The following VOPP1 variants were observed in gnomAD, a reference collection of about 807,000 sequenced individuals.
VOPP1 encodes VOPP1 WW domain binding protein.
Under a neutral mutation model 23.5 loss-of-function variants are expected in VOPP1, and 8 were observed. That is an observed-to-expected ratio of 0.34 (90% CI 0.20 to 0.61). The LOEUF is 0.61. VOPP1 is among the 20% of genes least tolerant of loss of function. The probability of loss-of-function intolerance (pLI) is 0.78; values close to 1 mark genes in which losing one functional copy is unlikely to be tolerated. For missense variants in VOPP1, 174 were observed against 238.1 expected (o/e 0.73, Z 1.77); for synonymous variants, 83 against 97.3 (o/e 0.85, Z 0.86).
At chr7:55,494,844 T>A (rs1793837144) in intron 3 of VOPP1, among the ~76,000 whole-genome samples, 1 of 152,062 alleles carries the variant, frequency 6.6e-6, no homozygotes, top group Admixed American at 6.6e-5. Flanking sequence ...AGCAGGGTGT[T>A]GGCTGGGAGA....
chr7:55,485,835 C>T (rs1482208743), intron 4 of VOPP1, among the ~76,000 whole-genome samples: 3 of 152,254 alleles, frequency 2.0e-5, no homozygotes, highest in South Asian at 2.1e-4. Context: ...TTTCCCTCAT[C>T]CGCCCCTCGG....
intron 1 of VOPP1, among the ~76,000 whole-genome samples, chr7:55,545,877 C>T (rs1402129091): frequency 6.6e-6 from 1 of 151,560 alleles, no homozygotes; most frequent in Non-Finnish European, 1.5e-5. Context: ...GAGACCAGCC[C>T]GGGCCACACA....
chr7:55,442,164 C>T (rs1790980588), intron 4 of VOPP1, among the ~76,000 whole-genome samples: 1 of 152,162 alleles, frequency 6.6e-6, no homozygotes, highest in Non-Finnish European at 1.5e-5. Flanking sequence ...CAGTTTATGA[C>T]ATGTGAGGCG....
chr7:55,440,748 C>T (rs1474596139), intron 4 of VOPP1, among the ~76,000 whole-genome samples: 1 of 152,222 alleles, frequency 6.6e-6, no homozygotes, highest in Admixed American at 6.5e-5. Flanking sequence ...CCTGCTGCCC[C>T]CATAGCCTGC....
At chr7:55,476,892 C>G (rs1265798853) in intron 4 of VOPP1, among the ~76,000 whole-genome samples, 1 of 152,198 alleles carries the variant, frequency 6.6e-6, no homozygotes, top group Non-Finnish European at 1.5e-5. Context: ...TGGGCTCCTG[C>G]CCACTTCAGA....
intron 1 of VOPP1, among the ~76,000 whole-genome samples, chr7:55,524,623 C>T (rs935118471): frequency 6.6e-6 from 1 of 152,138 alleles, no homozygotes; most frequent in Non-Finnish European, 1.5e-5. Context: ...CTGAAAAACG[C>T]CAAAATGAGG....
chr7:55,441,864 C>T (rs912434562), intron 4 of VOPP1, among the ~76,000 whole-genome samples: 1 of 152,178 alleles, frequency 6.6e-6, no homozygotes, highest in Non-Finnish European at 1.5e-5. Flanking sequence ...ACATGGCTGG[C>T]TCTTCTGGGG....
chr7:55,473,175 T>G, intron 4 of VOPP1, 130 bp from the exon 5 acceptor site: 1 of 1,380,222 alleles, frequency 7.2e-7, no homozygotes, highest in Non-Finnish European at 9.5e-7. Flanking sequence ...GGACCCAACA[T>G]GCCCGGTGAG....
At chr7:55,561,979 C>G in intron 1 of VOPP1, 1 of 703,576 alleles carries the variant, frequency 1.4e-6, no homozygotes, top group Non-Finnish European at 2.6e-6. Context: ...TCAGGACCCA[C>G]AGTAGTCGGT....
At chr7:55,521,620 T>C in intron 1 of VOPP1, 2 of 987,400 alleles carry the variant, frequency 2.0e-6, no homozygotes, top group Non-Finnish European at 2.4e-6. Context: ...CTCGTTGCCC[T>C]CTCACGTGCA....
chr7:55,487,693 C>A (rs1041714372), intron 4 of VOPP1, among the ~76,000 whole-genome samples: 1 of 152,186 alleles, frequency 6.6e-6, no homozygotes, highest in South Asian at 2.1e-4. Flanking sequence ...ATGGTCTTGC[C>A]GTACCAGCAA....
chr7:55,503,389 T>C (rs1333911561), intron 2 of VOPP1, among the ~76,000 whole-genome samples: 1 of 152,080 alleles, frequency 6.6e-6, no homozygotes, highest in Non-Finnish European at 1.5e-5. Context: ...GGAAAGAGGG[T>C]ATGGCCACTG....
intron 4 of VOPP1, among the ~76,000 whole-genome samples, chr7:55,455,675 C>T (rs1308701502): frequency 6.6e-6 from 1 of 152,130 alleles, no homozygotes; most frequent in Non-Finnish European, 1.5e-5. Context: ...TGATCTTTCA[C>T]AAATCTGACA....
chr7:55,498,970 A>C (rs1405079827), intron 2 of VOPP1, among the ~76,000 whole-genome samples: 2 of 151,950 alleles, frequency 1.3e-5, no homozygotes, highest in Non-Finnish European at 2.9e-5. Flanking sequence ...TCAAGGACAA[A>C]CTGGGCTGAG....
intron 1 of VOPP1, among the ~76,000 whole-genome samples, chr7:55,561,470 G>T (rs1008264427): frequency 4.6e-5 from 7 of 152,058 alleles, no homozygotes; most frequent in African/African-American, 1.7e-4. Flanking sequence ...CAGCTCTCTG[G>T]GAGGCCAAGG....
At chr7:55,530,811 C>T (rs1796457037) in intron 1 of VOPP1, 2 of 152,328 alleles carry the variant, frequency 1.3e-5, no homozygotes, top group South Asian at 4.1e-4. Flanking sequence ...AGGAATTCTA[C>T]CTTTCAGCAT....
intron 2 of VOPP1, among the ~76,000 whole-genome samples, chr7:55,503,467 C>A (rs1794503073): frequency 6.6e-6 from 1 of 152,100 alleles, no homozygotes; most frequent in Non-Finnish European, 1.5e-5. Flanking sequence ...CATACTAGGT[C>A]AAGGAATGTT....
intron 2 of VOPP1, among the ~76,000 whole-genome samples, chr7:55,510,084 A>G (rs1370122611): frequency 1.3e-5 from 2 of 152,202 alleles, no homozygotes; most frequent in Non-Finnish European, 2.9e-5. Flanking sequence ...GAGGAAGAGA[A>G]TTTTTATTTC....
chr7:55,499,317 G>A (rs527470419), intron 2 of VOPP1, among the ~76,000 whole-genome samples: 1 of 152,326 alleles, frequency 6.6e-6, no homozygotes, highest in East Asian at 1.9e-4. Context: ...GCTGGGCATA[G>A]TGTGTGCACC....
Sources: allele counts gnomAD v4.1 joint callset (sites outside exome capture counted in the v4.1 genomes callset), GRCh38; gene constraint gnomAD v4.1.1; transcripts MANE v1.5; gene names NCBI Gene and HGNC (gene_info 2026-07-23, HGNC 2026-07-21).